KDM6A: variants seen among roughly 807,000 people sequenced by gnomAD.
The protein encoded by KDM6A is lysine demethylase 6A, also known as lysine-specific demethylase 6A.
In KDM6A, 11 loss-of-function variants were observed where a neutral mutation model predicts 117.6. The observed-to-expected ratio is 0.09, with a 90% CI of 0.06 to 0.15. The LOEUF is 0.15. Among genes scored for constraint, KDM6A ranks in the 10% least tolerant of loss-of-function variants. KDM6A has a pLI of 1.00. For missense variants in KDM6A, 799 were observed against 1,077.3 expected (o/e 0.74, Z 3.62); for synonymous variants, 384 against 396.1 (o/e 0.97, Z 0.36).
chrX:45,090,638 A>C (rs1376142103), intron 26 of KDM6A, 85 bp from the exon 27 acceptor site: 1 of 989,086 alleles, frequency 1.0e-6, no homozygotes, highest in African/African-American at 1.9e-5. Flanking sequence ...TTGATGTTGA[A>C]GATATCACCT....
chrX:45,029,791 T>G (rs1210272614), intron 6 of KDM6A, among the ~76,000 whole-genome samples: 1 of 111,144 alleles, frequency 9.0e-6, no homozygotes, highest in Non-Finnish European at 1.9e-5. Context: ...GCTCATATTC[T>G]GATCATTTTG....
chrX:44,895,338 T>G (rs1490829222), intron 2 of KDM6A, among the ~76,000 whole-genome samples: 1 of 107,747 alleles, frequency 9.3e-6, no homozygotes, highest in Non-Finnish European at 1.9e-5. Flanking sequence ...TGGTCTCATC[T>G]CAATCTCCTG....
chrX:44,929,826 A>G (rs975806527), intron 2 of KDM6A, among the ~76,000 whole-genome samples: 7 of 104,878 alleles, frequency 6.7e-5, no homozygotes, highest in Non-Finnish European at 1.3e-4. Flanking sequence ...TTTTTTAGAC[A>G]CTTTTTTTTT....
At chrX:45,084,201 A>G (rs1196747885) in intron 24 of KDM6A, among the ~76,000 whole-genome samples, 1 of 111,834 alleles carries the variant, frequency 8.9e-6, no homozygotes, top group Non-Finnish European at 1.9e-5. Context: ...GGCAAGTTAC[A>G]TTTCTTCTTT....
chrX:45,053,764 G>A (rs1406167872), intron 9 of KDM6A, 65 bp from the exon 10 acceptor site: 29 of 912,728 alleles, frequency 3.2e-5, no homozygotes, highest in African/African-American at 3.0e-4. Flanking sequence ...TTTCTGCTTC[G>A]TATTCTTAAA....
chrX:44,931,101 C>G (rs1421220155), intron 2 of KDM6A, among the ~76,000 whole-genome samples: 2 of 110,629 alleles, frequency 1.8e-5, no homozygotes, highest in African/African-American at 3.3e-5. Context: ...GAGACAGAGT[C>G]TCATTCACTC....
At chrX:45,043,276 C>G (rs1032343606) in intron 8 of KDM6A, among the ~76,000 whole-genome samples, 2 of 109,649 alleles carry the variant, frequency 1.8e-5, no homozygotes, top group Non-Finnish European at 3.8e-5. Flanking sequence ...GGTGACAAAG[C>G]GAGACCCCGT....
intron 3 of KDM6A, among the ~76,000 whole-genome samples, chrX:44,971,522 C>T (rs2039340644): frequency 9.0e-6 from 1 of 111,388 alleles, no homozygotes; most frequent in Admixed American, 9.6e-5. Flanking sequence ...ACATTAACTT[C>T]CATTTTTGGT....
At chrX:45,077,880 C>A (rs930634059) in intron 19 of KDM6A, among the ~76,000 whole-genome samples, 1 of 111,458 alleles carries the variant, frequency 9.0e-6, no homozygotes, top group African/African-American at 3.3e-5. Context: ...ATCTCCAGAA[C>A]TTTCTCATCT....
intron 13 of KDM6A, 66 bp from the exon 14 acceptor site, chrX:45,060,543 A>G: frequency 1.2e-6 from 1 of 866,123 alleles, no homozygotes; most frequent in Non-Finnish European, 1.5e-6. Flanking sequence ...GTAAAGTTTT[A>G]TAATTTGAAG....
intron 23 of KDM6A, 70 bp downstream of exon 23, chrX:45,082,859 T>G: frequency 4.5e-6 from 3 of 671,563 alleles, no homozygotes; most frequent in Non-Finnish European, 4.8e-6. Context: ...GGGAATTCTC[T>G]ACAATTTCCT....
intron 17 of KDM6A, among the ~76,000 whole-genome samples, 166 bp downstream of exon 17, chrX:45,063,983 A>G (rs1241879662): frequency 8.9e-6 from 1 of 112,165 alleles, no homozygotes; most frequent in Non-Finnish European, 1.9e-5. Flanking sequence ...ATACATGAGT[A>G]TATCTTTGTT....
At chrX:45,106,158 G>A (rs769599464) in intron 27 of KDM6A, among the ~76,000 whole-genome samples, 10 of 111,438 alleles carry the variant, frequency 9.0e-5, no homozygotes, top group Non-Finnish European at 1.3e-4. Flanking sequence ...CAAGCTGAGA[G>A]TGCAATCTTT....
chrX:44,972,024 G>A (rs1312847068), intron 3 of KDM6A, among the ~76,000 whole-genome samples: 1 of 110,301 alleles, frequency 9.1e-6, no homozygotes, highest in Non-Finnish European at 1.9e-5. Flanking sequence ...GGGGAGTGTT[G>A]GCAATACCAA....
At position 45,060,741 on chromosome X, in the gene KDM6A, A is replaced by G. The variant is rs1236103373; in HGVS notation, c.1462A>G (p.Lys488Glu). The change falls in exon 14 of 30, where the codon AAA becomes GAA. Residue 488 changes from lysine to glutamate, a missense_variant. Around this residue, in one of 8 missense-constraint regions of KDM6A, gnomAD observed 301 missense variants for 318.3 expected, o/e 0.95. Coordinates refer to ENST00000611820, the MANE Select transcript of KDM6A (RefSeq NM_001291415.2). ...TGACCTGTCCAGTCCTGCCAAGAGGAAAAGAACATCTAGTCCAACAAAGGT... is the reference window on the plus strand; with the variant it reads ...TGACCTGTCCAGTCCTGCCAAGAGGGAAAGAACATCTAGTCCAACAAAGGT... ...VDDLSSPAKR[K>E]RTSSPTKNTS... 3.5e-5 allele frequency: 37 copies of G among 1,063,045 alleles called. No individual in the cohort carries two copies. Among genetic ancestry groups the G allele is most frequent in the Non-Finnish European group, 4.3e-5 (35 of 807,823 alleles). The allele number at this position is 1,063,045 out of a possible 1,213,427, so 87.6% of individuals were successfully genotyped here.
chrX:44,957,886 G>A (rs1210547280), intron 2 of KDM6A, among the ~76,000 whole-genome samples: 1 of 111,720 alleles, frequency 9.0e-6, no homozygotes, highest in Non-Finnish European at 1.9e-5. Flanking sequence ...ATCTAGGTCT[G>A]TACTGTCCAG....
chrX:44,956,418 T>G (rs1007992140), intron 2 of KDM6A, among the ~76,000 whole-genome samples: 5 of 110,961 alleles, frequency 4.5e-5, no homozygotes, highest in Non-Finnish European at 9.4e-5. Flanking sequence ...CCCTTTTCCT[T>G]TGACAGGGTC....
chrX:44,932,373 A>G (rs2036686703), intron 2 of KDM6A, among the ~76,000 whole-genome samples: 2 of 109,624 alleles, frequency 1.8e-5, no homozygotes, highest in African/African-American at 6.7e-5. Flanking sequence ...GGCCTCCCAG[A>G]GTGCTGGGAT....
chrX:45,040,166 G>A (rs1178016383), intron 8 of KDM6A, among the ~76,000 whole-genome samples: 27 of 79,613 alleles, frequency 3.4e-4, no homozygotes, highest in African/African-American at 1.2e-3. Context: ...CCTCCCGGAC[G>A]GGGCGGCTGG....
Sources: allele counts gnomAD v4.1 joint callset (sites outside exome capture counted in the v4.1 genomes callset), GRCh38; gene constraint gnomAD v4.1.1; regional missense constraint gnomAD v4.1.1; transcripts MANE v1.5; gene names NCBI Gene and HGNC (gene_info 2026-07-23, HGNC 2026-07-21).